TRPS1: variants seen among roughly 807,000 people sequenced by gnomAD.
TRPS1 encodes the protein zinc finger transcription factor Trps1.
A neutral mutation model predicts 101.2 loss-of-function variants in TRPS1; 6 were observed. The ratio of observed to expected loss-of-function variants is 0.06; its 90% CI spans 0.03 to 0.12. TRPS1 has a LOEUF of 0.12. TRPS1 is among the 10% of genes least tolerant of loss of function. The pLI is 1.00. For missense variants in TRPS1, 1,363 were observed against 1,567.0 expected, an observed-to-expected ratio of 0.87 and a Z score of 2.20; for synonymous variants, 578 against 589.8, an observed-to-expected ratio of 0.98 and a Z score of 0.29.
chr8:115,425,012 C>T (rs1813153978), intron 5 of TRPS1, among the ~76,000 whole-genome samples: 1 of 152,038 alleles, frequency 6.6e-6, no homozygotes, highest in South Asian at 2.1e-4. Context: ...ACCAGTAGAC[C>T]CTATGGAATA....
At chr8:115,447,131 A>G (rs972937027) in intron 5 of TRPS1, among the ~76,000 whole-genome samples, 1 of 152,126 alleles carries the variant, frequency 6.6e-6, no homozygotes, top group African/African-American at 2.4e-5. Flanking sequence ...GACATGCTCA[A>G]GTTTGAGAGT....
intron 5 of TRPS1, among the ~76,000 whole-genome samples, chr8:115,422,831 CAAT>C (rs1212193665): frequency 6.6e-6 from 1 of 152,060 alleles, no homozygotes; most frequent in Non-Finnish European, 1.5e-5. Flanking sequence ...TCTTAAGAGA[CAAT>C]AATTTGTACC....
At chr8:115,439,623 T>C (rs1321529243) in intron 5 of TRPS1, among the ~76,000 whole-genome samples, 1 of 152,236 alleles carries the variant, frequency 6.6e-6, no homozygotes, top group Non-Finnish European at 1.5e-5. Flanking sequence ...GTTTACATTA[T>C]TATTAGCACT....
At chr8:115,550,799 T>G (rs1017977572) in intron 5 of TRPS1, among the ~76,000 whole-genome samples, 1 of 152,230 alleles carries the variant, frequency 6.6e-6, no homozygotes, top group Admixed American at 6.5e-5. Flanking sequence ...TTTAACCAAC[T>G]TTTATTGAGC....
chr8:115,548,636 G>T (rs1816634497), intron 5 of TRPS1, among the ~76,000 whole-genome samples: 1 of 152,128 alleles, frequency 6.6e-6, no homozygotes, highest in Non-Finnish European at 1.5e-5. Flanking sequence ...TGCAAGCCAA[G>T]ATATAAAGAG....
chr8:115,441,898 AGTGTGTGTGT>A (rs796637255), intron 5 of TRPS1, among the ~76,000 whole-genome samples: 11 of 116,150 alleles, frequency 9.5e-5, no homozygotes, highest in Admixed American at 6.1e-4. Context: ...AGAGAGAGAG[AGTGTGTGTGT>A]GTGTGTGTGT....
rs185904703 is a variant in TRPS1 at position 115,487,343 on chromosome 8, G to A, written c.2701-68891C>T. 2.0e-4 allele frequency among the ~76,000 whole-genome samples: 31 copies of A among 152,260 alleles called. 1 individual carries two copies. The highest frequency in any genetic ancestry group is 3.3e-4 in the Admixed American group (5 of 15,296). On this transcript the variant is annotated intron_variant, in intron 5 of 6. Coordinates refer to ENST00000395715, the MANE Select transcript of TRPS1 (RefSeq NM_014112.5). ...GAGCTCTGATGGATATGTACAAAGA[G>A]ATCAGTGTTTTTTTTCATTCCTGCA...
chr8:115,639,665 CA>C (rs11395796), intron 1 of TRPS1, among the ~76,000 whole-genome samples: 270 of 138,264 alleles, frequency 2.0e-3, no homozygotes, highest in African/African-American at 4.2e-3. Context: ...CCAATCTCTA[CA>C]AAAAAAAAAA....
At chr8:115,551,530 T>C (rs981529010) in intron 5 of TRPS1, among the ~76,000 whole-genome samples, 2 of 152,210 alleles carry the variant, frequency 1.3e-5, no homozygotes, top group African/African-American at 4.8e-5. Context: ...TGTATGCCAC[T>C]AAAGTCTTTA....
chr8:115,469,217 G>C (rs2130006726), intron 5 of TRPS1, among the ~76,000 whole-genome samples: 1 of 152,280 alleles, frequency 6.6e-6, no homozygotes. Flanking sequence ...AGATGAAACA[G>C]TGTGAAGTGG....
intron 5 of TRPS1, among the ~76,000 whole-genome samples, chr8:115,576,022 G>A (rs1052294562): frequency 6.6e-6 from 1 of 152,064 alleles, no homozygotes; most frequent in Non-Finnish European, 1.5e-5. Context: ...AAGAAACTGA[G>A]GAAGGAGACT....
chr8:115,543,140 T>G (rs1025446850), intron 5 of TRPS1, among the ~76,000 whole-genome samples: 1 of 152,088 alleles, frequency 6.6e-6, no homozygotes, highest in Admixed American at 6.6e-5. Flanking sequence ...TCACCACCAC[T>G]TGAAACACAA....
chr8:115,523,519 G>A (rs543918747), intron 5 of TRPS1, among the ~76,000 whole-genome samples: 287 of 152,146 alleles, frequency 1.9e-3, no homozygotes, highest in Middle Eastern at 0.01. Flanking sequence ...GCAATAGAGC[G>A]AGGCTCTGTC....
intron 5 of TRPS1, among the ~76,000 whole-genome samples, chr8:115,570,928 C>T (rs1817188841): frequency 6.6e-6 from 1 of 152,200 alleles, no homozygotes. Context: ...AACCAGAATA[C>T]TGTGCAGTCA....
intron 5 of TRPS1, among the ~76,000 whole-genome samples, chr8:115,485,839 T>C (rs1211359430): frequency 3.3e-5 from 5 of 152,134 alleles, no homozygotes; most frequent in Middle Eastern, 3.2e-3. Flanking sequence ...GAGAGGAAAT[T>C]CAGAGAACAG....
chr8:115,414,592 G>A lies in TRPS1; in HGVS notation c.3316C>T (p.Pro1106Ser). Reference protein sequence around the residue: ...PGSPIEKYQYPLFGLPFVHND... With the variant: ...PGSPIEKYQYSLFGLPFVHND... ...TGTACAAAGGGAAGTCCAAAAAGTG[G>A]GTACTGGTACTTTTCAATAGGGCTG... Residue 1106 changes from proline (P) to serine (S), a missense_variant, in exon 7 of 7, where the codon CCA (proline) becomes TCA (serine). Physicochemically the swap from Pro to Ser is moderately conservative, Grantham distance 74 (BLOSUM62 -1). Coordinates refer to ENST00000395715, the MANE Select transcript of TRPS1 (RefSeq NM_014112.5). The surrounding 1 kb of genome is among the most constrained non-coding windows in gnomAD (Gnocchi z 4.8). 6.2e-7 allele frequency: 1 copy of A among 1,613,884 alleles called. No homozygotes were observed.
intron 4 of TRPS1, among the ~76,000 whole-genome samples, chr8:115,595,974 A>G (rs1253513846): frequency 1.3e-5 from 2 of 151,834 alleles, no homozygotes; most frequent in African/African-American, 4.8e-5. Flanking sequence ...AGGTATTATA[A>G]GCAACTGATT....
intron 5 of TRPS1, among the ~76,000 whole-genome samples, chr8:115,426,940 G>A (rs751742518): frequency 6.6e-6 from 1 of 151,970 alleles, no homozygotes; most frequent in Admixed American, 6.6e-5. Flanking sequence ...ACACATTCTG[G>A]TCTCTAAGTC....
intron 5 of TRPS1, among the ~76,000 whole-genome samples, chr8:115,451,595 T>G (rs979422593): frequency 2.0e-5 from 3 of 152,156 alleles, no homozygotes; most frequent in Non-Finnish European, 4.4e-5. Context: ...CCACAGCCTG[T>G]GGTCCAAAAA....
Sources: gnomAD v4.1 joint callset for allele counts (sites outside exome capture counted in the v4.1 genomes callset) on GRCh38, gnomAD v4.1.1 for gene constraint, Gnocchi (gnomAD v3.1) non-coding constraint, MANE v1.5 for transcripts, NCBI Gene and HGNC (gene_info 2026-07-23, HGNC 2026-07-21) for gene names.